Variants in MRTFB observed in about 807,000 individuals in gnomAD.
MRTFB encodes myocardin-related transcription factor B.
A neutral mutation model predicts 104.2 loss-of-function variants in MRTFB; 29 were observed. The ratio of observed to expected loss-of-function variants is 0.28; its 90% CI spans 0.21 to 0.38. The LOEUF is 0.38. MRTFB is among the 10% of genes least tolerant of loss of function. The probability of loss-of-function intolerance (pLI) is 1.00; values close to 1 mark genes in which losing one functional copy is unlikely to be tolerated. For synonymous variants in MRTFB, 535 were observed against 519.5 expected, an observed-to-expected ratio of 1.03 and a Z score of -0.41; for missense variants, 1,270 against 1,341.6, an observed-to-expected ratio of 0.95 and a Z score of 0.83.
chr16:14,075,541 C>G (rs973996634), intron 1 of MRTFB, among the ~76,000 whole-genome samples: 50 of 152,344 alleles, frequency 3.3e-4, no homozygotes, highest in African/African-American at 1.1e-3. Context: ...CCTCCAGGGT[C>G]TCTCTCTGAT....
At position 14,193,170 on chromosome 16, in the gene MRTFB, G is replaced by A. The variant is rs563953472; in HGVS notation, c.155-17073G>A. 1.7e-3 allele frequency among the ~76,000 whole-genome samples: 215 copies of A among 123,736 alleles called. 2 individuals carry two copies. Among genetic ancestry groups the A allele is most frequent in the African/African-American group, 5.9e-3 (181 of 30,836 alleles). 81.2% of individuals were successfully genotyped at this position (123,736 alleles called of 152,430 possible). A position where few individuals can be genotyped will look rare whatever the true frequency, so the allele number is the denominator to read the frequency against. On this transcript the variant is annotated intron_variant, in intron 3 of 16. Transcript: ENST00000571589. ...ATGTCAGGAGTGATCATTGTATTGC[G>A]TCACTGCACTCCAACCTGGGCAACA...
chr16:14,127,927 A>ATTTTT (rs1300874035), intron 2 of MRTFB, among the ~76,000 whole-genome samples: 1 of 38,792 alleles, frequency 2.6e-5, no homozygotes, highest in Non-Finnish European at 3.8e-5. Context: ...ATATATATAT[A>ATTTTT]TATTTTTTTT....
intron 3 of MRTFB, among the ~76,000 whole-genome samples, chr16:14,155,447 A>T (rs1306926467): frequency 6.6e-6 from 1 of 151,970 alleles, no homozygotes; most frequent in Non-Finnish European, 1.5e-5. Flanking sequence ...TTTTCCTCCT[A>T]TTTAAGAGTT....
chr16:14,211,557 C>A (rs535098962), intron 4 of MRTFB, among the ~76,000 whole-genome samples: 146 of 152,096 alleles, frequency 9.6e-4, no homozygotes, highest in Non-Finnish European at 1.7e-3. Context: ...CAGGGTGTTA[C>A]CAGGCAATAG....
intron 2 of MRTFB, among the ~76,000 whole-genome samples, chr16:14,107,105 A>G (rs1196012619): frequency 6.6e-6 from 1 of 152,118 alleles, no homozygotes; most frequent in African/African-American, 2.4e-5. Context: ...GTATGGTGGC[A>G]CATGCCAGTA....
chr16:14,148,865 G>A (rs1320381560), intron 3 of MRTFB: 1 of 152,278 alleles, frequency 6.6e-6, no homozygotes, highest in African/African-American at 2.4e-5. Flanking sequence ...TGTTTGCCGT[G>A]TGCTATTCAT....
In MRTFB at chr16:14,180,702, G is replaced by A. The variant is rs539012911; in HGVS notation, c.155-29541G>A. 1.7e-3 allele frequency among the ~76,000 whole-genome samples: 261 copies of A among 152,308 alleles called. 2 individuals carry two copies. Among genetic ancestry groups the A allele is most frequent in the Middle Eastern group, 6.8e-3 (2 of 294 alleles). On this transcript the variant is annotated intron_variant, in intron 3 of 16. Transcript: ENST00000571589. ...CCCACACAGCACTCTCCCTCAGTCC[G>A]AGCACAGGCCTGTCATGGGACCATG...
chr16:14,168,416 G>C (rs761652325), intron 3 of MRTFB, among the ~76,000 whole-genome samples: 9 of 152,156 alleles, frequency 5.9e-5, no homozygotes, highest in Non-Finnish European at 1.0e-4. Context: ...TAGCCCCTCT[G>C]AGACAGCTAC....
intron 3 of MRTFB, among the ~76,000 whole-genome samples, chr16:14,155,883 T>C (rs1008397106): frequency 6.6e-6 from 1 of 152,204 alleles, no homozygotes; most frequent in Non-Finnish European, 1.5e-5. Context: ...CAGGGCACCA[T>C]TAGGCAGGTT....
At chr16:14,023,127 G>C in the MRTFB span, among the ~76,000 whole-genome samples, 12 of 152,120 alleles carry the variant, frequency 7.9e-5, no homozygotes, top group African/African-American at 2.9e-4. Flanking sequence ...CTATTAACCC[G>C]CAGAGCTGGT....
At chr16:14,154,756 A>T (rs913799634) in intron 3 of MRTFB, among the ~76,000 whole-genome samples, 26 of 152,312 alleles carry the variant, frequency 1.7e-4, no homozygotes, top group African/African-American at 5.0e-4. Flanking sequence ...AAGCTTACTT[A>T]CTTTGCTTTT....
chr16:14,087,191 A>G (rs1040934814), intron 2 of MRTFB, among the ~76,000 whole-genome samples: 1 of 152,216 alleles, frequency 6.6e-6, no homozygotes, highest in Non-Finnish European at 1.5e-5. Context: ...GTCTCTCCCA[A>G]GAGTATTCTC....
At chr16:14,159,404 TAAAC>T (rs922002597) in intron 3 of MRTFB, among the ~76,000 whole-genome samples, 42 of 152,188 alleles carry the variant, frequency 2.8e-4, no homozygotes, top group Non-Finnish European at 8.8e-5. Flanking sequence ...TTTTACCTTT[TAAAC>T]AAACATTTTC....
At chr16:14,127,929 A>ATATATATAT (rs1393344981) in intron 2 of MRTFB, among the ~76,000 whole-genome samples, 8 of 44,622 alleles carry the variant, frequency 1.8e-4, no homozygotes, top group South Asian at 9.8e-4. Flanking sequence ...ATATATATAT[A>ATATATATAT]TTTTTTTTTT....
At chr16:14,171,078 A>C (rs1247107148) in intron 3 of MRTFB, among the ~76,000 whole-genome samples, 8 of 152,154 alleles carry the variant, frequency 5.3e-5, no homozygotes. Flanking sequence ...TGTCCTTTTG[A>C]CAAGCCCAAC....
At chr16:14,038,420 G>A in the MRTFB span, among the ~76,000 whole-genome samples, 8 of 152,132 alleles carry the variant, frequency 5.3e-5, no homozygotes, top group East Asian at 1.9e-4. Flanking sequence ...CCAGATCAGC[G>A]TTTCCCAAGG....
At chr16:14,160,861 C>A (rs182163644) in intron 3 of MRTFB, among the ~76,000 whole-genome samples, 2 of 151,766 alleles carry the variant, frequency 1.3e-5, no homozygotes, top group Non-Finnish European at 2.9e-5. Flanking sequence ...TTGGCCCATC[C>A]CCCTTAATTT....
At chr16:14,023,815 C>T in the MRTFB span, among the ~76,000 whole-genome samples, 1 of 152,104 alleles carries the variant, frequency 6.6e-6, no homozygotes, top group African/African-American at 2.4e-5. Context: ...CTTTGGGAGG[C>T]TGAGGCTGGC....
At chr16:14,076,058 C>T (rs2034027269) in intron 1 of MRTFB, among the ~76,000 whole-genome samples, 1 of 151,804 alleles carries the variant, frequency 6.6e-6, no homozygotes, top group Non-Finnish European at 1.5e-5. Flanking sequence ...CAGATACAAG[C>T]AAATACTAAT....
Sources: allele counts gnomAD v4.1 joint callset (sites outside exome capture counted in the v4.1 genomes callset), GRCh38; gene constraint gnomAD v4.1.1; transcripts MANE v1.5; gene names NCBI Gene and HGNC (gene_info 2026-07-23, HGNC 2026-07-21).